The following CDH13 variants were observed in gnomAD, a reference collection of about 807,000 sequenced individuals.
CDH13 encodes cadherin-13.
Under a neutral mutation model 63.8 loss-of-function variants are expected in CDH13, and 24 were observed. That is an observed-to-expected ratio of 0.38 (90% CI 0.27 to 0.53). The LOEUF is 0.53. Among genes scored for constraint, CDH13 ranks in the 20% least tolerant of loss-of-function variants. CDH13 has a pLI of 0.85. For synonymous variants in CDH13, 503 were observed against 355.3 expected, an observed-to-expected ratio of 1.42 and a Z score of -4.67; for missense variants, 1,049 against 903.1, an observed-to-expected ratio of 1.16 and a Z score of -2.07.
intron 8 of CDH13, among the ~76,000 whole-genome samples, chr16:83,623,044 A>G (rs1909957262): frequency 1.3e-5 from 2 of 152,246 alleles, no homozygotes; most frequent in South Asian, 2.1e-4. Context: ...TGGGAAGGTC[A>G]GCTCATGAAG....
chr16:82,944,738 GC>G (rs1904503597), intron 2 of CDH13, among the ~76,000 whole-genome samples: 1 of 152,036 alleles, frequency 6.6e-6, no homozygotes, highest in African/African-American at 2.4e-5. Flanking sequence ...TTCTTCATAG[GC>G]CCTTGTGAAT....
chr16:83,578,414 C>T (rs569355734), intron 7 of CDH13, among the ~76,000 whole-genome samples: 1 of 152,276 alleles, frequency 6.6e-6, no homozygotes, highest in Admixed American at 6.5e-5. Flanking sequence ...TTAAATAACC[C>T]TGGAAGGTCC....
chr16:83,227,668 A>C (rs2039881543), intron 5 of CDH13, among the ~76,000 whole-genome samples: 1 of 152,134 alleles, frequency 6.6e-6, no homozygotes, highest in Non-Finnish European at 1.5e-5. Context: ...GGTAAAAAGC[A>C]CGTGGGGGAG....
chr16:83,258,365 A>G (rs923105679), intron 5 of CDH13, among the ~76,000 whole-genome samples: 1 of 152,204 alleles, frequency 6.6e-6, no homozygotes, highest in African/African-American at 2.4e-5. Context: ...ATTAAGATGC[A>G]CCTTCTTAAT....
chr16:83,725,549 ATT>A (rs1385867840), intron 10 of CDH13: 1 of 152,382 alleles, frequency 6.6e-6, no homozygotes, highest in Non-Finnish European at 1.5e-5. Context: ...CTGGCTGGTG[ATT>A]TGGTTACATC....
intron 7 of CDH13, among the ~76,000 whole-genome samples, chr16:83,530,408 A>C (rs994328152): frequency 1.3e-5 from 2 of 152,150 alleles, no homozygotes; most frequent in African/African-American, 2.4e-5. Flanking sequence ...TGGCTGTCTA[A>C]AGTTGCTTCG....
intron 10 of CDH13, among the ~76,000 whole-genome samples, chr16:83,719,294 C>T (rs1378774317): frequency 6.6e-6 from 1 of 152,148 alleles, no homozygotes; most frequent in Non-Finnish European, 1.5e-5. Context: ...CACTGCGTAC[C>T]AGACCCTATG....
At chr16:82,834,591 G>C (rs1388901340) in intron 1 of CDH13, among the ~76,000 whole-genome samples, 2 of 149,374 alleles carry the variant, frequency 1.3e-5, no homozygotes, top group South Asian at 2.1e-4. Flanking sequence ...TGTGGGTCGA[G>C]TTATACTTTG....
chr16:83,059,087 G>T (rs1383365199), intron 3 of CDH13, among the ~76,000 whole-genome samples: 3 of 152,186 alleles, frequency 2.0e-5, no homozygotes, highest in Admixed American at 1.3e-4. Context: ...GGAAGCAGAA[G>T]TGAGTTCATG....
rs143749254 is a variant in CDH13, at chr16:83,033,782, G to A, written c.366+1564G>A. 1.8e-3 allele frequency among the ~76,000 whole-genome samples: 272 copies of A among 152,250 alleles called. 1 individual carries two copies. Among genetic ancestry groups the A allele is most frequent in the Middle Eastern group, 3.4e-3 (1 of 294 alleles). ...CCAGGAGCTCAGGGACTCCACCTTC[G>A]TGAGAAAAGGAGGGCAAGACACACA... On this transcript the variant is annotated intron_variant, in intron 3 of 13. Coordinates refer to ENST00000567109, the MANE Select transcript of CDH13 (RefSeq NM_001257.5).
intron 3 of CDH13, among the ~76,000 whole-genome samples, chr16:83,082,263 G>C (rs2151565130): frequency 6.6e-6 from 1 of 152,246 alleles, no homozygotes; most frequent in South Asian, 2.1e-4. Flanking sequence ...TGTATTCATT[G>C]CATCTCAACA....
chr16:83,194,253 C>G lies in CDH13; in HGVS notation c.484-23092C>G, dbSNP rs560061327. On this transcript the variant is annotated intron_variant, in intron 4 of 13. Coordinates refer to ENST00000567109, the MANE Select transcript of CDH13 (RefSeq NM_001257.5). ...CCCTGACAATCCACGGGGGCCCCCT[C>G]TGGCCTGGGTCCTCAGAATGAGAAC... 1.0e-3 allele frequency among the ~76,000 whole-genome samples: 154 copies of G among 152,354 alleles called. 1 individual carries two copies. The highest frequency in any genetic ancestry group is 1.8e-3 in the Admixed American group (27 of 15,308).
At chr16:83,426,907 C>CT (rs71148833) in intron 6 of CDH13, among the ~76,000 whole-genome samples, 3,501 of 62,896 alleles carry the variant, frequency 0.056, 607 homozygotes, top group Non-Finnish European at 0.07. Context: ...ATGTTTCTTT[C>CT]TTTTTTTTTT....
chr16:83,631,449 C>T (rs1056330966), intron 8 of CDH13, among the ~76,000 whole-genome samples: 2 of 152,094 alleles, frequency 1.3e-5, no homozygotes, highest in Non-Finnish European at 2.9e-5. Context: ...CCTGTGATTT[C>T]AAACACAGCT....
intron 10 of CDH13, among the ~76,000 whole-genome samples, chr16:83,740,290 G>A (rs74622926): frequency 3.3e-5 from 5 of 151,888 alleles, no homozygotes; most frequent in Non-Finnish European, 5.9e-5. Flanking sequence ...GTTTTAAGCC[G>A]GGGATTCACA....
chr16:83,730,460 ATGT>A (rs1456483243), intron 10 of CDH13, among the ~76,000 whole-genome samples: 3 of 152,224 alleles, frequency 2.0e-5, no homozygotes, highest in African/African-American at 7.2e-5. Context: ...TCCCTCTAGA[ATGT>A]TGTTTTAGGA....
intron 4 of CDH13, among the ~76,000 whole-genome samples, chr16:83,216,043 A>G (rs2039496797): frequency 1.3e-5 from 2 of 149,932 alleles, no homozygotes; most frequent in South Asian, 4.3e-4. Flanking sequence ...ATGCTTAAGC[A>G]TATGCCAGTA....
intron 6 of CDH13, among the ~76,000 whole-genome samples, chr16:83,461,826 G>A (rs1469559028): frequency 6.6e-6 from 1 of 152,166 alleles, no homozygotes; most frequent in Admixed American, 6.5e-5. Flanking sequence ...GTGGAACTTC[G>A]AGGTTTCCAG....
At chr16:83,662,782 G>A (rs1567494918) in intron 8 of CDH13, among the ~76,000 whole-genome samples, 1 of 152,172 alleles carries the variant, frequency 6.6e-6, no homozygotes, top group East Asian at 1.9e-4. Flanking sequence ...TCCCCAGGGC[G>A]CCATTATTGC....
Sources: allele counts gnomAD v4.1 joint callset (sites outside exome capture counted in the v4.1 genomes callset), GRCh38; gene constraint gnomAD v4.1.1; transcripts MANE v1.5; gene names NCBI Gene and HGNC (gene_info 2026-07-23, HGNC 2026-07-21).